Variants in ABCB1 observed in about 807,000 individuals in gnomAD.
ABCB1 encodes ATP binding cassette subfamily B member 1, also known as ATP-dependent translocase ABCB1.
In ABCB1, 69 loss-of-function variants were observed where a neutral mutation model predicts 142.0. That is an observed-to-expected ratio of 0.49 (90% CI 0.40 to 0.59). The LOEUF is 0.59. ABCB1 is among the 20% of genes least tolerant of loss of function. The pLI is 0.00. For missense variants in ABCB1, 1,326 were observed against 1,554.7 expected, an observed-to-expected ratio of 0.85 and a Z score of 2.47; for synonymous variants, 532 against 539.2, an observed-to-expected ratio of 0.99 and a Z score of 0.18.
At chr7:87,684,618 C>A (rs978969185) in intron 1 of ABCB1, among the ~76,000 whole-genome samples, 1 of 151,658 alleles carries the variant, frequency 6.6e-6, no homozygotes, top group Non-Finnish European at 1.5e-5. Context: ...CATGGTAGCA[C>A]GTGCCTGTAG....
intron 1 of ABCB1, among the ~76,000 whole-genome samples, chr7:87,686,538 T>A (rs1264266419): frequency 6.6e-6 from 1 of 152,134 alleles, no homozygotes; most frequent in Admixed American, 6.5e-5. Context: ...AAAATAGAAA[T>A]TTAGCAGTAA....
At chr7:87,703,455 A>G (rs1303104245) in intron 1 of ABCB1, among the ~76,000 whole-genome samples, 1 of 152,186 alleles carries the variant, frequency 6.6e-6, no homozygotes, top group Non-Finnish European at 1.5e-5. Flanking sequence ...GTTAATAGCT[A>G]TGATTTTTGT....
At chr7:87,529,970 C>A (rs775722116) in intron 21 of ABCB1, among the ~76,000 whole-genome samples, 2 of 152,198 alleles carry the variant, frequency 1.3e-5, no homozygotes, top group Non-Finnish European at 2.9e-5. Flanking sequence ...AGGTTTGTCC[C>A]CTACAGACAC....
At chr7:87,598,152 T>C (rs1182026915) in intron 2 of ABCB1, among the ~76,000 whole-genome samples, 3 of 152,186 alleles carry the variant, frequency 2.0e-5, no homozygotes, top group African/African-American at 7.2e-5. Flanking sequence ...TTTGATTACA[T>C]GTAGAAAATC....
chr7:87,591,714 G>A lies in ABCB1; in HGVS notation c.117+4052C>T, dbSNP rs149278478. 2.0e-3 allele frequency among the ~76,000 whole-genome samples: 306 copies of A among 152,112 alleles called. 1 individual carries two copies. Among genetic ancestry groups the A allele is most frequent in the Non-Finnish European group, 3.3e-3 (223 of 67,994 alleles). On this transcript the variant is annotated intron_variant, in intron 3 of 27. Transcript: ENST00000622132. ...AAGTCCTCAAGGAATGGGGGTGGGGGTATACTTCGAGGATACCACCGAAAA... is the reference window on the plus strand; with the variant it reads ...AAGTCCTCAAGGAATGGGGGTGGGGATATACTTCGAGGATACCACCGAAAA...
intron 20 of ABCB1, among the ~76,000 whole-genome samples, chr7:87,532,068 G>T (rs914588184): frequency 4.6e-5 from 7 of 152,158 alleles, no homozygotes; most frequent in African/African-American, 1.4e-4. Context: ...CTGAGTTCCA[G>T]CTCTAAAGCC....
At chr7:87,528,418 A>AT (rs1345103149) in intron 21 of ABCB1, among the ~76,000 whole-genome samples, 9 of 152,050 alleles carry the variant, frequency 5.9e-5, no homozygotes, top group Non-Finnish European at 1.3e-4. Flanking sequence ...CTTTTTCTTA[A>AT]TTTTTTGATA....
In ABCB1 at chr7:87,591,535, C is replaced by T. The variant is rs567484859; in HGVS notation, c.117+4231G>A. On this transcript the variant is annotated intron_variant, in intron 3 of 27. Transcript: ENST00000622132. ...CAATAAGCCCAAGATCCTGTCCACA[C>T]GTGCAATTTACTAAGGTACTCATGT... Among the ~76,000 whole-genome samples the T allele has an allele frequency of 1.6e-3, 237 of 152,234 alleles. 1 individual carries two copies. The highest frequency in any genetic ancestry group is 2.7e-3 in the Non-Finnish European group (183 of 68,018).
chr7:87,697,064 A>G (rs952007552), intron 1 of ABCB1, among the ~76,000 whole-genome samples: 3 of 152,242 alleles, frequency 2.0e-5, no homozygotes, highest in Non-Finnish European at 4.4e-5. Context: ...CTGAAACTAA[A>G]GAGAAGATTT....
intron 12 of ABCB1, 54 bp downstream of exon 12, chr7:87,550,117 T>C: frequency 6.2e-7 from 1 of 1,614,144 alleles, no homozygotes. Context: ...ATCAGAAAGA[T>C]GTGCAATGTG....
rs1814596773 is a variant in ABCB1 at position 87,503,890 on chromosome 7, A to G, written c.*353T>C. The G allele has an allele frequency of 3.3e-6, 1 of 307,030 alleles. No homozygotes were observed. The highest frequency in any genetic ancestry group is 4.7e-5 in the Admixed American group (1 of 21,252). The allele number at this position is 307,030 out of a possible 1,614,324, so 19.0% of individuals were successfully genotyped here. On this transcript the variant is annotated 3_prime_UTR_variant, in exon 28 of 28. Coordinates refer to ENST00000622132, the MANE Select transcript of ABCB1 (RefSeq NM_001348946.2). ...ACATGAAAGTTTAGTTTTATTATAG[A>G]CACTTTATGCAAACATTTCAATACT...
chr7:87,671,863 C>A (rs1054185220), intron 1 of ABCB1, among the ~76,000 whole-genome samples: 2 of 152,176 alleles, frequency 1.3e-5, no homozygotes, highest in Admixed American at 6.5e-5. Flanking sequence ...TGCCACTCCC[C>A]CTGGGAGCAC....
At chr7:87,700,688 A>T in intron 1 of ABCB1, 1 of 752,666 alleles carries the variant, frequency 1.3e-6, no homozygotes, top group Non-Finnish European at 2.1e-6. Flanking sequence ...CTGTTCTGTG[A>T]TGTTTCTACA....
chr7:87,626,461 CATATATGTGTCATATATATGTGTCAT>C lies in ABCB1; in HGVS notation c.-330-25409_-330-25384del, dbSNP rs1563080875. Among the ~76,000 whole-genome samples the C allele has an allele frequency of 7.8e-4, 10 of 12,750 alleles. 3 individuals carry two copies. Among genetic ancestry groups the C allele is most frequent in the Admixed American group, 2.6e-3 (2 of 776 alleles). The allele number at this position is 12,750 out of a possible 152,430, so 8.4% of individuals were successfully genotyped here. ...TCATATATGTGTCATATATATGTGT[CATATATGTGTCATATATATGTGTCAT>C]ATATATGTGTCATATATGTGTCATA... On this transcript the variant is annotated intron_variant, in intron 1 of 28. Transcript: ENST00000265724.
At chr7:87,612,088 A>G (rs1819874088) in intron 1 of ABCB1, among the ~76,000 whole-genome samples, 1 of 152,106 alleles carries the variant, frequency 6.6e-6, no homozygotes, top group Admixed American at 6.6e-5. Context: ...AGAAGAGGGA[A>G]CTAAGATTCA....
chr7:87,546,324 C>T (rs1816774850), intron 14 of ABCB1, among the ~76,000 whole-genome samples: 1 of 152,148 alleles, frequency 6.6e-6, no homozygotes, highest in Non-Finnish European at 1.5e-5. Context: ...CGTGGTGGCT[C>T]ACGCCTGTAA....
At chr7:87,705,527 G>C (rs1274506232) in intron 1 of ABCB1, among the ~76,000 whole-genome samples, 1 of 152,102 alleles carries the variant, frequency 6.6e-6, no homozygotes, top group East Asian at 1.9e-4. Flanking sequence ...CTTAAACATA[G>C]CCTAACAATA....
chr7:87,648,640 C>T (rs1247715342), intron 1 of ABCB1, among the ~76,000 whole-genome samples: 2 of 152,006 alleles, frequency 1.3e-5, no homozygotes, highest in African/African-American at 4.8e-5. Context: ...AAGTAAAACA[C>T]TTGAATTCTC....
At chr7:87,671,768 G>A (rs1022095422) in intron 1 of ABCB1, among the ~76,000 whole-genome samples, 6 of 152,112 alleles carry the variant, frequency 3.9e-5, no homozygotes, top group Non-Finnish European at 5.9e-5. Flanking sequence ...TGTGCTGGAG[G>A]TCCACTTCAG....
Sources: gnomAD v4.1 joint callset for allele counts (sites outside exome capture counted in the v4.1 genomes callset) on GRCh38, gnomAD v4.1.1 for gene constraint, MANE v1.5 for transcripts, NCBI Gene and HGNC (gene_info 2026-07-23, HGNC 2026-07-21) for gene names.